The following MDFIC variants were observed in gnomAD, a reference collection of about 807,000 sequenced individuals.
MDFIC encodes the protein myoD family inhibitor domain-containing protein.
Under a neutral mutation model 23.2 loss-of-function variants are expected in MDFIC, and 17 were observed. The ratio of observed to expected loss-of-function variants is 0.73; its 90% CI spans 0.50 to 1.10. MDFIC has a LOEUF of 1.10. Ranked by LOEUF, MDFIC falls within the 50% of genes least tolerant of loss-of-function variation. MDFIC has a pLI of 0.00. For synonymous variants in MDFIC, 120 were observed against 115.2 expected (o/e 1.04, Z -0.27); for missense variants, 356 against 316.6 (o/e 1.12, Z -0.95).
At chr7:114,992,897 T>A (rs1399386140) in intron 4 of MDFIC, among the ~76,000 whole-genome samples, 1 of 152,202 alleles carries the variant, frequency 6.6e-6, no homozygotes, top group Non-Finnish European at 1.5e-5. Context: ...TCTTTTTCTA[T>A]TGATTGGAAT....
At chr7:114,997,794 A>G (rs1791368963) in intron 4 of MDFIC, among the ~76,000 whole-genome samples, 1 of 151,660 alleles carries the variant, frequency 6.6e-6, no homozygotes, top group Admixed American at 6.6e-5. Context: ...AAAGAAAAAG[A>G]AAGAAAGAGA....
At chr7:114,960,788 G>A (rs1355831510) in intron 3 of MDFIC, among the ~76,000 whole-genome samples, 1 of 152,066 alleles carries the variant, frequency 6.6e-6, no homozygotes, top group Admixed American at 6.6e-5. Flanking sequence ...CCACTTAAAT[G>A]ATAGTAAATT....
chr7:114,983,238 G>T (rs1793448991), intron 4 of MDFIC, among the ~76,000 whole-genome samples: 1 of 152,182 alleles, frequency 6.6e-6, no homozygotes, highest in African/African-American at 2.4e-5. Context: ...CTTTGACAAT[G>T]TGTTGTATGT....
At chr7:115,007,652 A>ATATATT (rs1180523843) in intron 4 of MDFIC, among the ~76,000 whole-genome samples, 1 of 83,522 alleles carries the variant, frequency 1.2e-5, no homozygotes. Context: ...ATATATATAT[A>ATATATT]TATATTTATA....
At chr7:114,935,140 A>G (rs1792399119) in intron 2 of MDFIC, among the ~76,000 whole-genome samples, 1 of 152,174 alleles carries the variant, frequency 6.6e-6, no homozygotes, top group Non-Finnish European at 1.5e-5. Context: ...TTCATAAACT[A>G]GAATACATAT....
chr7:114,929,832 T>G (rs1262985469), intron 2 of MDFIC, among the ~76,000 whole-genome samples: 1 of 151,804 alleles, frequency 6.6e-6, no homozygotes, highest in Non-Finnish European at 1.5e-5. Context: ...AGGGAGGAAG[T>G]GGTGCAGTAG....
intron 4 of MDFIC, among the ~76,000 whole-genome samples, chr7:115,009,012 TG>T (rs1392243164): frequency 2.0e-5 from 3 of 152,212 alleles, no homozygotes; most frequent in Non-Finnish European, 4.4e-5. Flanking sequence ...GAGTCAGGTT[TG>T]ACCTCAAAGC....
rs537228809 is a variant in MDFIC, at chr7:114,994,103, A to G, written c.493+14322A>G. ...GAATTGATCCCTTTACCATTATATAATGGCCTTCTTTGTCTCTTTTGGTCT... is the reference window on the plus strand; with the variant it reads ...GAATTGATCCCTTTACCATTATATAGTGGCCTTCTTTGTCTCTTTTGGTCT... On this transcript the variant is annotated intron_variant, in intron 4 of 4. Transcript: ENST00000393486. 2.5e-4 allele frequency among the ~76,000 whole-genome samples: 38 copies of G among 152,240 alleles called. No individual in the cohort carries two copies. In the South Asian group the frequency reaches 7.9e-3, roughly 32 times the overall value.
chr7:114,988,667 TAGG>T lies in MDFIC; in HGVS notation c.493+8891_493+8893del, dbSNP rs539370811. ...GGAAATTGAGTAGAAATTAGGAAAT[TAGG>T]AGGAATAGCTGAATGTAGTTTGGAG... On this transcript the variant is annotated intron_variant, in intron 4 of 4. Coordinates refer to ENST00000393486, the MANE Select transcript of MDFIC (RefSeq NM_001166345.3). Among the ~76,000 whole-genome samples, 474 of 152,234 alleles carry T rather than the reference TAGG, an allele frequency of 3.1e-3. 5 individuals are homozygous for T. The highest frequency in any genetic ancestry group is 0.011 in the African/African-American group (457 of 41,542).
chr7:114,967,675 A>G (rs1435797306), intron 3 of MDFIC, among the ~76,000 whole-genome samples: 1 of 152,230 alleles, frequency 6.6e-6, no homozygotes, highest in East Asian at 1.9e-4. Context: ...GCACCATAGT[A>G]TATAAAAAAA....
chr7:114,984,928 G>C (rs1793483788), intron 4 of MDFIC, among the ~76,000 whole-genome samples: 1 of 152,130 alleles, frequency 6.6e-6, no homozygotes. Context: ...AGTATGCATA[G>C]AGAAATACAT....
At chr7:115,000,840 A>C (rs1791451895) in intron 4 of MDFIC, among the ~76,000 whole-genome samples, 1 of 152,214 alleles carries the variant, frequency 6.6e-6, no homozygotes, top group South Asian at 2.1e-4. Context: ...AGATAGTCTT[A>C]ATTTAAATTT....
In MDFIC at chr7:115,016,099, C is replaced by G. The variant is rs1386017580; in HGVS notation, c.*164C>G. On this transcript the variant is annotated 3_prime_UTR_variant, in exon 5 of 5. Transcript: ENST00000393486. Reference sequence around the variant, plus strand: ...AGCCTTTTTACTTTAACCAAATCTACATGGTTTAATATGTGAAATTTTAAC... The same window carrying G: ...AGCCTTTTTACTTTAACCAAATCTAGATGGTTTAATATGTGAAATTTTAAC... 3.0e-6 allele frequency: 2 copies of G among 674,020 alleles called. No homozygotes were observed. The highest frequency in any genetic ancestry group is 4.9e-6 in the Non-Finnish European group (2 of 411,060). 41.8% of individuals were successfully genotyped at this position (674,020 alleles called of 1,614,324 possible).
At chr7:115,013,347 C>A (rs887920649) in intron 4 of MDFIC, among the ~76,000 whole-genome samples, 1 of 151,346 alleles carries the variant, frequency 6.6e-6, no homozygotes, top group Non-Finnish European at 1.5e-5. Context: ...AAGGCTGGAA[C>A]GAGACATTCT....
intron 2 of MDFIC, chr7:114,923,581 A>G (rs1792134668): frequency 6.5e-7 from 1 of 1,528,608 alleles, no homozygotes; most frequent in Non-Finnish European, 8.8e-7. Context: ...TTCTGTGACC[A>G]GTAGCTTTGG....
chr7:114,952,199 CAT>C lies in MDFIC; in HGVS notation c.217+9803_217+9804del, dbSNP rs1163400299. 5.3e-5 allele frequency among the ~76,000 whole-genome samples: 8 copies of C among 152,312 alleles called. No homozygotes were observed. In the East Asian group the frequency reaches 1.5e-3, roughly 29 times the overall value. The stretch of plus-strand genomic sequence containing the variant: ...AATCAGTTGCTATTCTACTCACAAA[CAT>C]GAGAATCTTGTATAGCTATGTGAAA... On this transcript the variant is annotated intron_variant, in intron 3 of 4. Transcript: ENST00000393486.
In MDFIC at chr7:115,019,544, T is replaced by A. The variant is rs1469513782; in HGVS notation, c.*3609T>A. Reference sequence around the variant, plus strand: ...AACATAAATAAGTATCTTGCCTTCTTGAATGCTAGTTAAATGCTTAGATTT... The same window carrying A: ...AACATAAATAAGTATCTTGCCTTCTAGAATGCTAGTTAAATGCTTAGATTT... On this transcript the variant is annotated 3_prime_UTR_variant, in exon 5 of 5. Transcript: ENST00000393486. Among the ~76,000 whole-genome samples the A allele has an allele frequency of 6.6e-6, 1 of 152,120 alleles. No homozygotes were observed. The highest frequency in any genetic ancestry group is 1.5e-5 in the Non-Finnish European group (1 of 67,976).
chr7:115,001,106 T>C (rs1791457558), intron 4 of MDFIC, among the ~76,000 whole-genome samples: 1 of 152,184 alleles, frequency 6.6e-6, no homozygotes, highest in Non-Finnish European at 1.5e-5. Flanking sequence ...GTAATTAGAA[T>C]AATAAAATTG....
intron 3 of MDFIC, among the ~76,000 whole-genome samples, chr7:114,942,878 C>A (rs1439950736): frequency 6.6e-6 from 1 of 152,160 alleles, no homozygotes; most frequent in Admixed American, 6.6e-5. Flanking sequence ...AAGCTTCGGT[C>A]TATTTTCATG....
Sources: allele counts gnomAD v4.1 joint callset (sites outside exome capture counted in the v4.1 genomes callset), GRCh38; gene constraint gnomAD v4.1.1; transcripts MANE v1.5; gene names NCBI Gene and HGNC (gene_info 2026-07-23, HGNC 2026-07-21).